The following NUP210 variants were observed in gnomAD, a reference collection of about 807,000 sequenced individuals.
The protein encoded by NUP210 is nucleoporin 210.
A neutral mutation model predicts 196.0 loss-of-function variants in NUP210; 151 were observed. The ratio of observed to expected loss-of-function variants is 0.77; its 90% CI spans 0.67 to 0.88. NUP210 has a LOEUF of 0.88. Ranked by LOEUF, NUP210 falls within the 40% of genes least tolerant of loss-of-function variation. The pLI, the probability that NUP210 is intolerant of heterozygous loss-of-function variation, is 0.00. For synonymous variants in NUP210, 1,070 were observed against 1,052.7 expected, an observed-to-expected ratio of 1.02 and a Z score of -0.32; for missense variants, 2,314 against 2,493.7, an observed-to-expected ratio of 0.93 and a Z score of 1.53.
At chr3:13,382,907 A>G (rs1257572338) in intron 6 of NUP210, among the ~76,000 whole-genome samples, 1 of 152,136 alleles carries the variant, frequency 6.6e-6, no homozygotes, top group African/African-American at 2.4e-5. Flanking sequence ...CACTTTGGGA[A>G]GCTGAGGTAG....
chr3:13,370,894 G>T (rs980935812), intron 13 of NUP210, among the ~76,000 whole-genome samples: 1 of 152,174 alleles, frequency 6.6e-6, no homozygotes, highest in Admixed American at 6.5e-5. Context: ...ACCTTCAGTG[G>T]CTCCCCACTG....
At chr3:13,398,679 G>A (rs936657019) in intron 2 of NUP210, among the ~76,000 whole-genome samples, 1 of 152,208 alleles carries the variant, frequency 6.6e-6, no homozygotes, top group Non-Finnish European at 1.5e-5. Flanking sequence ...CGCCACTGTG[G>A]GAGGCCAAGG....
At chr3:13,337,618 C>A (rs537593297) in intron 26 of NUP210, among the ~76,000 whole-genome samples, 12 of 152,334 alleles carry the variant, frequency 7.9e-5, no homozygotes, top group Admixed American at 6.5e-4. Flanking sequence ...GGTACTATTC[C>A]AGATGTGGGA....
At chr3:13,322,751 C>G (rs75297938) in intron 34 of NUP210, among the ~76,000 whole-genome samples, 1 of 152,242 alleles carries the variant, frequency 6.6e-6, no homozygotes, top group Non-Finnish European at 1.5e-5. Flanking sequence ...TGTCCACTTG[C>G]GCTGAGGAAG....
rs1405388964 is a variant in NUP210 at position 13,379,582 on chromosome 3, G to A, written c.957C>T (p.Ser319=). Residue 319 remains serine, a synonymous_variant, in exon 7 of 40, where the codon AGC becomes AGT. Coordinates refer to ENST00000254508, the MANE Select transcript of NUP210 (RefSeq NM_024923.4). The surrounding 1 kb of genome is among the most constrained non-coding windows in gnomAD (Gnocchi z 4.2). ...GGATATTCCTGTGGCCAAGGACGAGGCTGCTCTGTCCCAGCTGCAGTGCAG... is the reference window on the plus strand; with the variant it reads ...GGATATTCCTGTGGCCAAGGACGAGACTGCTCTGTCCCAGCTGCAGTGCAG... The part of the protein sequence containing the change: ...MVTALQLGQS[S]LVLGHRSIRM... 32 of 1,614,146 alleles carry A rather than the reference G, an allele frequency of 2.0e-5. No homozygotes were observed. Among genetic ancestry groups the A allele is most frequent in the Non-Finnish European group, 2.7e-5 (32 of 1,180,042 alleles).
intron 20 of NUP210, among the ~76,000 whole-genome samples, chr3:13,346,841 C>T (rs1382402915): frequency 1.3e-5 from 2 of 152,198 alleles, no homozygotes; most frequent in Non-Finnish European, 2.9e-5. Context: ...CCCTGATTAC[C>T]CGCCCTCAAG....
intron 6 of NUP210, among the ~76,000 whole-genome samples, chr3:13,382,905 G>A (rs1030054831): frequency 5.3e-5 from 8 of 152,288 alleles, no homozygotes; most frequent in African/African-American, 1.7e-4. Context: ...AGCACTTTGG[G>A]AAGCTGAGGT....
chr3:13,419,308 C>T (rs570542677), intron 1 of NUP210, among the ~76,000 whole-genome samples: 1 of 152,338 alleles, frequency 6.6e-6, no homozygotes, highest in East Asian at 1.9e-4. Flanking sequence ...CTCCATTTCC[C>T]CTGGTCTGCA....
At chr3:13,395,117 T>C (rs1283296165) in intron 3 of NUP210, among the ~76,000 whole-genome samples, 1 of 150,622 alleles carries the variant, frequency 6.6e-6, no homozygotes, top group Non-Finnish European at 1.5e-5. Context: ...GAGGGGGGAG[T>C]GTGAGAGGAA....
In NUP210 at chr3:13,331,116, C is replaced by A. The variant is rs191365765; in HGVS notation, c.3936-482G>T. 1.8e-4 allele frequency among the ~76,000 whole-genome samples: 27 copies of A among 152,254 alleles called. No homozygotes were observed. The East Asian group carries it at 4.8e-3, about 27-fold the overall frequency. On this transcript the variant is annotated intron_variant, in intron 29 of 39. Transcript: ENST00000254508. ...GTGCACATTATGTCCCCTCTTCTCT[C>A]GGCGTTGACTTCTTACTTGGTAAAA...
chr3:13,353,388 T>C (rs1052136998), intron 18 of NUP210, among the ~76,000 whole-genome samples, 166 bp downstream of exon 18: 1 of 152,060 alleles, frequency 6.6e-6, no homozygotes, highest in African/African-American at 2.4e-5. Context: ...GGTCCCCTAC[T>C]ATTAATAGCA....
chr3:13,401,861 A>G (rs1699849841), intron 1 of NUP210, among the ~76,000 whole-genome samples: 1 of 151,896 alleles, frequency 6.6e-6, no homozygotes, highest in Non-Finnish European at 1.5e-5. Flanking sequence ...TGTACTTACT[A>G]CTGAATTTTG....
rs147322542 is a variant in NUP210, at chr3:13,332,325, C to T, written c.3903G>A (p.Ser1301=). Residue 1301 remains serine, a synonymous_variant, in exon 29 of 40, where the codon TCG becomes TCA. Transcript: ENST00000254508. ...TCTGCAGCTTTATATATGAGTTGGGCGACATTAATATTTGTTCTGCTTCTA... is the reference window on the plus strand; with the variant it reads ...TCTGCAGCTTTATATATGAGTTGGGTGACATTAATATTTGTTCTGCTTCTA... ...PEIEAEQILM[S]PNSYIKLQTN... 4.9e-5 allele frequency: 79 copies of T among 1,613,608 alleles called. No homozygotes were observed. In the African/African-American group the frequency reaches 5.3e-4, roughly 11 times the overall value.
chr3:13,370,568 G>T (rs1338262894), intron 13 of NUP210, among the ~76,000 whole-genome samples: 1 of 152,192 alleles, frequency 6.6e-6, no homozygotes, highest in Non-Finnish European at 1.5e-5. Flanking sequence ...GTTGTGGCAG[G>T]CAGTGCAGGG....
chr3:13,364,667 A>T (rs894273255), intron 14 of NUP210, among the ~76,000 whole-genome samples: 14 of 152,236 alleles, frequency 9.2e-5, no homozygotes, highest in African/African-American at 3.4e-4. Flanking sequence ...TGTCTCTACT[A>T]AAAATACAAA....
Position 13,323,512 on chromosome 3 carries a change from G to T in NUP210, c.4645-80C>A. The stretch of plus-strand genomic sequence containing the variant: ...CTGGGCGTTTCCACAACCTCACCCT[G>T]CAGTCTGTGACATAGTGTCACCCGT... On this transcript the variant is annotated intron_variant, in intron 33 of 39. Coordinates refer to ENST00000254508, the MANE Select transcript of NUP210 (RefSeq NM_024923.4). This position sits in a 1 kb window ranked among gnomAD's most constrained non-coding sequence, Gnocchi z 4.3. 1 of 1,521,084 alleles carries T rather than the reference G, an allele frequency of 6.6e-7. No individual in the cohort carries two copies. The highest frequency in any genetic ancestry group is 9.0e-7 in the Non-Finnish European group (1 of 1,107,890). 94.2% of individuals were successfully genotyped at this position (1,521,084 alleles called of 1,614,324 possible).
chr3:13,409,804 A>T (rs920323449), intron 1 of NUP210, among the ~76,000 whole-genome samples: 5 of 151,104 alleles, frequency 3.3e-5, no homozygotes, highest in African/African-American at 1.2e-4. Context: ...CATCCACCTG[A>T]ATCAGCCCCC....
intron 6 of NUP210, 114 bp downstream of exon 6, chr3:13,386,161 A>G (rs889681508): frequency 3.9e-5 from 44 of 1,140,090 alleles, no homozygotes; most frequent in Non-Finnish European, 4.8e-5. Context: ...ACTTGATGCT[A>G]CCTGATGGAG....
At chr3:13,362,295 G>C (rs937928580) in intron 14 of NUP210, among the ~76,000 whole-genome samples, 2 of 152,302 alleles carry the variant, frequency 1.3e-5, no homozygotes, top group Non-Finnish European at 2.9e-5. Context: ...AATCCCAGCC[G>C]TGAAGCTTCT....
Sources: gnomAD v4.1 joint callset for allele counts (sites outside exome capture counted in the v4.1 genomes callset) on GRCh38, gnomAD v4.1.1 for gene constraint, Gnocchi (gnomAD v3.1) non-coding constraint, MANE v1.5 for transcripts, NCBI Gene and HGNC (gene_info 2026-07-23, HGNC 2026-07-21) for gene names.